The following HMGB1 variants were observed in gnomAD, a reference collection of about 807,000 sequenced individuals.
HMGB1 encodes high mobility group protein B1.
For synonymous variants in HMGB1, 81 were observed against 84.0 expected, an observed-to-expected ratio of 0.96 and a Z score of 0.19; for missense variants, 79 against 253.5, an observed-to-expected ratio of 0.31 and a Z score of 4.67.
At chr13:30,549,218 G>A (rs1420246132) in intron 1 of HMGB1, among the ~76,000 whole-genome samples, 1 of 152,138 alleles carries the variant, frequency 6.6e-6, no homozygotes, top group African/African-American at 2.4e-5. Flanking sequence ...AGGAGGTCAA[G>A]GGTGCAGTGA....
At chr13:30,614,996 C>T (rs1360563303) in intron 1 of HMGB1, among the ~76,000 whole-genome samples, 1 of 151,818 alleles carries the variant, frequency 6.6e-6, no homozygotes, top group Non-Finnish European at 1.5e-5. Flanking sequence ...AGGTGTGAGC[C>T]ACCACGCCCG....
intron 1 of HMGB1, among the ~76,000 whole-genome samples, chr13:30,581,565 T>C (rs1325012524): frequency 2.0e-5 from 3 of 152,214 alleles, no homozygotes; most frequent in Non-Finnish European, 4.4e-5. Context: ...TTACAGAAAG[T>C]TTGCTGATCC....
At chr13:30,489,077 A>G (rs1887428282) in intron 1 of HMGB1, among the ~76,000 whole-genome samples, 1 of 152,210 alleles carries the variant, frequency 6.6e-6, no homozygotes, top group Non-Finnish European at 1.5e-5. Flanking sequence ...TGGAGTCTAA[A>G]TACATTTTTG....
At chr13:30,568,050 T>A (rs1056542890) in intron 1 of HMGB1, among the ~76,000 whole-genome samples, 1 of 152,198 alleles carries the variant, frequency 6.6e-6, no homozygotes, top group African/African-American at 2.4e-5. Context: ...GTGTTCCCCC[T>A]GGGTGGAATC....
At chr13:30,572,186 G>T (rs1300043182) in intron 1 of HMGB1, among the ~76,000 whole-genome samples, 1 of 152,164 alleles carries the variant, frequency 6.6e-6, no homozygotes, top group Admixed American at 6.5e-5. Flanking sequence ...GGGTATCAGG[G>T]TAAGTGTGTT....
chr13:30,545,953 C>T (rs1183661774), intron 1 of HMGB1, among the ~76,000 whole-genome samples: 2 of 152,146 alleles, frequency 1.3e-5, no homozygotes, highest in East Asian at 1.9e-4. Flanking sequence ...CCACCCACCT[C>T]GGCCTCCCAA....
exon 1 of HMGB1, chr13:30,616,923 A>C (rs1194824059): frequency 6.6e-6 from 1 of 152,222 alleles, no homozygotes; most frequent in Non-Finnish European, 1.5e-5. Context: ...AGAAACTACA[A>C]ATTGTTATCC....
At chr13:30,481,378 C>T (rs772411283) in intron 1 of HMGB1, among the ~76,000 whole-genome samples, 6 of 152,052 alleles carry the variant, frequency 3.9e-5, no homozygotes, top group Non-Finnish European at 7.4e-5. Flanking sequence ...CAAAACATTC[C>T]GAAGCTACCC....
At chr13:30,520,972 C>T (rs1234745841) in intron 1 of HMGB1, among the ~76,000 whole-genome samples, 1 of 152,180 alleles carries the variant, frequency 6.6e-6, no homozygotes, top group Non-Finnish European at 1.5e-5. Context: ...TTATTCCAGG[C>T]AACTGATACC....
At chr13:30,489,036 A>T (rs568706666) in intron 1 of HMGB1, among the ~76,000 whole-genome samples, 2 of 152,290 alleles carry the variant, frequency 1.3e-5, no homozygotes, top group South Asian at 2.1e-4. Flanking sequence ...AAATGTTGGG[A>T]AAAATAATTT....
chr13:30,484,057 CA>C (rs932584028), intron 1 of HMGB1, among the ~76,000 whole-genome samples: 3 of 152,172 alleles, frequency 2.0e-5, no homozygotes, highest in African/African-American at 7.2e-5. Flanking sequence ...GTCTTTCCAG[CA>C]GGATAACCTT....
chr13:30,609,914 T>C (rs1194728212), intron 1 of HMGB1, among the ~76,000 whole-genome samples: 1 of 152,202 alleles, frequency 6.6e-6, no homozygotes, highest in Non-Finnish European at 1.5e-5. Context: ...CTGCAAAAGA[T>C]ATTATTTCGT....
intron 1 of HMGB1, among the ~76,000 whole-genome samples, chr13:30,574,513 C>T (rs1280163632): frequency 6.6e-6 from 1 of 152,180 alleles, no homozygotes; most frequent in Non-Finnish European, 1.5e-5. Flanking sequence ...TCAATGTTTA[C>T]TTTTAGCAGA....
chr13:30,536,927 C>T (rs768844417), intron 1 of HMGB1, among the ~76,000 whole-genome samples: 12 of 152,162 alleles, frequency 7.9e-5, no homozygotes, highest in Non-Finnish European at 1.5e-4. Flanking sequence ...TCTCCAAGCC[C>T]GCAGCTCTAC....
intron 1 of HMGB1, among the ~76,000 whole-genome samples, chr13:30,494,861 C>G (rs911713576): frequency 4.6e-5 from 7 of 152,180 alleles, no homozygotes; most frequent in African/African-American, 1.4e-4. Flanking sequence ...ATGAATTTGA[C>G]TACTCTAGGT....
chr13:30,519,531 T>TA (rs1357357414), intron 1 of HMGB1, among the ~76,000 whole-genome samples: 5 of 89,578 alleles, frequency 5.6e-5, no homozygotes, highest in Non-Finnish European at 9.7e-5. Flanking sequence ...CTGTCTCTAC[T>TA]AAAAATACAA....
chr13:30,463,141 T>C, intron 3 of HMGB1, 66 bp downstream of exon 3: 2 of 1,461,250 alleles, frequency 1.4e-6, no homozygotes, highest in Non-Finnish European at 1.9e-6. Context: ...CAAAGTAGCT[T>C]GCTAAATTTC....
At chr13:30,602,723 T>G (rs1950415058) in intron 1 of HMGB1, among the ~76,000 whole-genome samples, 1 of 152,238 alleles carries the variant, frequency 6.6e-6, no homozygotes. Flanking sequence ...TGCCCTTGCT[T>G]TAGTCTGGTT....
At chr13:30,493,565 G>A (rs1458312435) in intron 1 of HMGB1, among the ~76,000 whole-genome samples, 3 of 152,164 alleles carry the variant, frequency 2.0e-5, no homozygotes, top group Non-Finnish European at 2.9e-5. Flanking sequence ...AGGCCAAAGC[G>A]GGAGGATCAC....
Sources: allele counts gnomAD v4.1 joint callset (sites outside exome capture counted in the v4.1 genomes callset), GRCh38; gene constraint gnomAD v4.1.1; transcripts MANE v1.5; gene names NCBI Gene and HGNC (gene_info 2026-07-23, HGNC 2026-07-21).